The following RBFOX3 variants were observed in gnomAD, a reference collection of about 807,000 sequenced individuals.
RBFOX3 encodes the protein RNA binding fox-1 homolog 3.
Under a neutral mutation model 48.7 loss-of-function variants are expected in RBFOX3, and 17 were observed. The observed-to-expected ratio is 0.35, with a 90% CI of 0.24 to 0.52. RBFOX3 has a LOEUF of 0.52. Among genes scored for constraint, RBFOX3 ranks in the 20% least tolerant of loss-of-function variants. RBFOX3 has a pLI of 0.94. For missense variants in RBFOX3, 382 were observed against 497.5 expected, an observed-to-expected ratio of 0.77 and a Z score of 2.21; for synonymous variants, 212 against 209.5, an observed-to-expected ratio of 1.01 and a Z score of -0.10.
intron 2 of RBFOX3, among the ~76,000 whole-genome samples, chr17:79,447,308 C>T (rs967577391): frequency 7.2e-5 from 11 of 152,156 alleles, no homozygotes; most frequent in South Asian, 2.1e-4. Context: ...AGCTCTGAGC[C>T]GCAGGGAAAT....
chr17:79,483,729 G>C (rs1015600198), intron 1 of RBFOX3, among the ~76,000 whole-genome samples: 1 of 151,798 alleles, frequency 6.6e-6, no homozygotes, highest in African/African-American at 2.4e-5. Flanking sequence ...CAGTGCCCAG[G>C]ATGTGCCTGG....
rs2093954865 is a variant in RBFOX3 at position 79,610,811 on chromosome 17, G to A, written c.-320+15C>T. Among the ~76,000 whole-genome samples the A allele has an allele frequency of 6.6e-6, 1 of 151,820 alleles. No individual in the cohort carries two copies. The highest frequency in any genetic ancestry group is 1.5e-5 in the Non-Finnish European group (1 of 67,930). On this transcript the variant is annotated intron_variant, in intron 1 of 14. Coordinates refer to ENST00000693108, the MANE Select transcript of RBFOX3 (RefSeq NM_001350451.2). ...CGCCGCAGAGCGAGGCGGGCGACGA[G>A]GCCAGGCTACTCACGGGCTCAGCGC...
intron 4 of RBFOX3, among the ~76,000 whole-genome samples, chr17:79,133,876 G>A (rs2039550987): frequency 6.6e-6 from 1 of 152,180 alleles, no homozygotes; most frequent in Non-Finnish European, 1.5e-5. Flanking sequence ...GTGAATATCG[G>A]AGCAGCCCCT....
At chr17:79,613,476 C>T (rs957647069), upstream of RBFOX3, among the ~76,000 whole-genome samples, 23 of 152,296 alleles carry the variant, frequency 1.5e-4, no homozygotes, top group South Asian at 1.9e-3. Context: ...CATTTGGGGA[C>T]GTCATCTAAG....
At chr17:79,540,864 C>G (rs35570576) in intron 1 of RBFOX3, among the ~76,000 whole-genome samples, 44,778 of 152,076 alleles carry the variant, frequency 0.29, 9,053 homozygotes, top group African/African-American at 0.56. Context: ...AGTACCAGTT[C>G]TACTTCAACC....
rs1285245814 is a variant in RBFOX3 at position 79,299,147 on chromosome 17, G to C, written c.-74+8577C>G. 3.7e-5 allele frequency among the ~76,000 whole-genome samples: 4 copies of C among 107,862 alleles called. No individual in the cohort carries two copies. The highest frequency in any genetic ancestry group is 5.8e-5 in the Non-Finnish European group (3 of 52,066). 70.8% of individuals were successfully genotyped at this position (107,862 alleles called of 152,430 possible). On this transcript the variant is annotated intron_variant, in intron 3 of 14. Transcript: ENST00000693108. This position sits in a 1 kb window ranked among gnomAD's most constrained non-coding sequence, Gnocchi z 4.5. ...AATAAGAGGCCAGGTGTGGTATCTCGGTGCTGGCAAAACAGAGGCCAGAGA... is the reference window on the plus strand; with the variant it reads ...AATAAGAGGCCAGGTGTGGTATCTCCGTGCTGGCAAAACAGAGGCCAGAGA...
chr17:79,126,498 C>T (rs1355665480), intron 4 of RBFOX3, among the ~76,000 whole-genome samples: 2 of 152,168 alleles, frequency 1.3e-5, no homozygotes, highest in Non-Finnish European at 2.9e-5. Context: ...GTTCCAGTCC[C>T]TGGGGTCCCT....
chr17:79,365,529 G>A (rs767598775), intron 2 of RBFOX3, among the ~76,000 whole-genome samples: 3 of 152,174 alleles, frequency 2.0e-5, no homozygotes, highest in Non-Finnish European at 2.9e-5. Flanking sequence ...GCTCCCACGC[G>A]AACACCAGAT....
the RBFOX3 span, among the ~76,000 whole-genome samples, chr17:79,620,423 A>ATG: frequency 6.7e-6 from 1 of 148,374 alleles, no homozygotes; most frequent in African/African-American, 2.5e-5. Flanking sequence ...ACATGCACAC[A>ATG]CGCACGTGCA....
chr17:79,110,227 C>A (rs1178542737), intron 5 of RBFOX3, among the ~76,000 whole-genome samples: 1 of 152,134 alleles, frequency 6.6e-6, no homozygotes, highest in African/African-American at 2.4e-5. Context: ...GGCTGGGGGT[C>A]CTGCTTCTGC....
intron 1 of RBFOX3, among the ~76,000 whole-genome samples, chr17:79,547,425 A>G (rs532026032): frequency 6.6e-6 from 1 of 152,338 alleles, no homozygotes; most frequent in East Asian, 1.9e-4. Flanking sequence ...ACAGCACTCC[A>G]GCCTGGGTGA....
chr17:79,370,804 ACACT>A (rs1200225077), intron 2 of RBFOX3, among the ~76,000 whole-genome samples: 14 of 152,282 alleles, frequency 9.2e-5, no homozygotes, highest in South Asian at 2.1e-4. Flanking sequence ...ACTTGCAGTC[ACACT>A]CACTCACACA....
At chr17:79,123,604 T>G (rs2036355741) in intron 4 of RBFOX3, among the ~76,000 whole-genome samples, 1 of 152,144 alleles carries the variant, frequency 6.6e-6, no homozygotes, top group Admixed American at 6.5e-5. Flanking sequence ...AATGCCCAGA[T>G]GAAGAAAGAC....
intron 1 of RBFOX3, among the ~76,000 whole-genome samples, chr17:79,490,898 G>T (rs2080394470): frequency 6.6e-6 from 1 of 150,860 alleles, no homozygotes; most frequent in African/African-American, 2.4e-5. Context: ...GCTTGAGTGA[G>T]TGCATGAAAG....
At chr17:79,366,158 A>G (rs1282607653) in intron 2 of RBFOX3, among the ~76,000 whole-genome samples, 1 of 152,180 alleles carries the variant, frequency 6.6e-6, no homozygotes, top group Non-Finnish European at 1.5e-5. Flanking sequence ...GTCACTAGGA[A>G]AGCTAGCTGC....
chr17:79,445,162 T>C (rs1225314858), intron 2 of RBFOX3, among the ~76,000 whole-genome samples: 2 of 152,310 alleles, frequency 1.3e-5, no homozygotes, highest in East Asian at 3.9e-4. Context: ...TCGATAGACA[T>C]TGAGTTGCTT....
At chr17:79,570,720 C>T (rs1411509847) in intron 1 of RBFOX3, among the ~76,000 whole-genome samples, 1 of 152,178 alleles carries the variant, frequency 6.6e-6, no homozygotes, top group Non-Finnish European at 1.5e-5. Context: ...TGACTCCACA[C>T]TCTAGGGTGG....
chr17:79,657,968 C>T, the RBFOX3 span, among the ~76,000 whole-genome samples: 4 of 152,126 alleles, frequency 2.6e-5, no homozygotes, highest in African/African-American at 7.2e-5. Flanking sequence ...TCCCTCAAGA[C>T]GAAACGACCC....
the RBFOX3 span, among the ~76,000 whole-genome samples, chr17:79,656,683 G>GAGAGAGACAGAAAGAAAGAAAGAA: frequency 5.0e-5 from 2 of 39,604 alleles, no homozygotes; most frequent in Admixed American, 7.2e-4. Context: ...GAAGGAAGGA[G>GAGAGAGACAGAAAGAAAGAAAGAA]GGAAGGAAGG....
Sources: allele counts gnomAD v4.1 joint callset (sites outside exome capture counted in the v4.1 genomes callset), GRCh38; gene constraint gnomAD v4.1.1; non-coding constraint Gnocchi (gnomAD v3.1); transcripts MANE v1.5; gene names NCBI Gene and HGNC (gene_info 2026-07-23, HGNC 2026-07-21).